The following PARD3 variants were observed in gnomAD, a reference collection of about 807,000 sequenced individuals.
PARD3 encodes the protein par-3 family cell polarity regulator.
In PARD3, 75 loss-of-function variants were observed where a neutral mutation model predicts 155.4. The ratio of observed to expected loss-of-function variants is 0.48; its 90% CI spans 0.40 to 0.58. PARD3 has a LOEUF of 0.58. Ranked by LOEUF, PARD3 falls within the 20% of genes least tolerant of loss-of-function variation. The pLI, the probability that PARD3 is intolerant of heterozygous loss-of-function variation, is 0.00. For missense variants in PARD3, 1,642 were observed against 1,721.7 expected, an observed-to-expected ratio of 0.95 and a Z score of 0.82; for synonymous variants, 576 against 610.5, an observed-to-expected ratio of 0.94 and a Z score of 0.83.
At chr10:34,156,729 C>CA (rs1199937686) in intron 22 of PARD3, among the ~76,000 whole-genome samples, 1 of 152,182 alleles carries the variant, frequency 6.6e-6, no homozygotes, top group African/African-American at 2.4e-5. Flanking sequence ...AGCAGCCTCC[C>CA]AGAGCTCGCC....
At chr10:34,726,083 C>A (rs1362292681) in intron 1 of PARD3, among the ~76,000 whole-genome samples, 1 of 152,200 alleles carries the variant, frequency 6.6e-6, no homozygotes, top group African/African-American at 2.4e-5. Context: ...TAACCATCAA[C>A]AGATGCCATA....
intron 2 of PARD3, among the ~76,000 whole-genome samples, chr10:34,594,270 T>C (rs910779831): frequency 1.3e-5 from 2 of 152,200 alleles, no homozygotes; most frequent in African/African-American, 4.8e-5. Flanking sequence ...GTAAAAACAA[T>C]GTCTTTGAAA....
At chr10:34,713,666 T>C (rs1223550230) in intron 1 of PARD3, among the ~76,000 whole-genome samples, 2 of 152,086 alleles carry the variant, frequency 1.3e-5, no homozygotes, top group East Asian at 1.9e-4. Context: ...CTCAGGAGGC[T>C]GAGGTAGGAG....
intron 1 of PARD3, among the ~76,000 whole-genome samples, chr10:34,814,344 C>G (rs1447150683): frequency 6.6e-6 from 1 of 152,176 alleles, no homozygotes; most frequent in Non-Finnish European, 1.5e-5. Context: ...GAAAAGCCCC[C>G]CGCCGCTGTT....
chr10:34,432,317 G>A lies in PARD3; in HGVS notation c.714+18000C>T, dbSNP rs528783624. Among the ~76,000 whole-genome samples, 419 of 139,740 alleles carry A rather than the reference G, an allele frequency of 3.0e-3. 3 individuals are homozygous for A. Among genetic ancestry groups the A allele is most frequent in the African/African-American group, 9.8e-3 (369 of 37,574 alleles). The allele number at this position is 139,740 out of a possible 152,430, so 91.7% of individuals were successfully genotyped here. ...AATGAGAACAGGTGCTGTGAAAATA[G>A]AAAGATATACACGTGCACATACACA... On this transcript the variant is annotated intron_variant, in intron 5 of 24. Coordinates refer to ENST00000374788, the MANE Select transcript of PARD3 (RefSeq NM_001184785.2).
intron 2 of PARD3, among the ~76,000 whole-genome samples, chr10:34,528,343 C>T (rs1352055032): frequency 6.6e-6 from 1 of 152,158 alleles, no homozygotes; most frequent in Non-Finnish European, 1.5e-5. Flanking sequence ...ACAACGTCCA[C>T]ACAAGTGACC....
chr10:34,360,964 T>C (rs1839378559), intron 12 of PARD3, among the ~76,000 whole-genome samples: 1 of 152,166 alleles, frequency 6.6e-6, no homozygotes, highest in African/African-American at 2.4e-5. Flanking sequence ...ATAAAAAACA[T>C]TTAGGATATA....
chr10:34,560,431 G>A (rs139670170), intron 2 of PARD3, among the ~76,000 whole-genome samples: 10 of 151,930 alleles, frequency 6.6e-5, no homozygotes, highest in Non-Finnish European at 1.3e-4. Flanking sequence ...ACGAGTTCAG[G>A]GGGTTGTTAC....
At chr10:34,333,221 C>T (rs1342013872) in intron 18 of PARD3, among the ~76,000 whole-genome samples, 1 of 151,996 alleles carries the variant, frequency 6.6e-6, no homozygotes, top group Non-Finnish European at 1.5e-5. Context: ...CATAAAAACA[C>T]CATTTATATA....
intron 1 of PARD3, among the ~76,000 whole-genome samples, chr10:34,806,519 G>A (rs965719664): frequency 1.3e-5 from 2 of 151,870 alleles, no homozygotes; most frequent in African/African-American, 4.8e-5. Context: ...AAAAAGAGAC[G>A]GGGTCTCACT....
intron 22 of PARD3, among the ~76,000 whole-genome samples, chr10:34,263,768 G>T (rs1033666116): frequency 2.0e-5 from 3 of 152,196 alleles, no homozygotes. Context: ...GTGGAAATAG[G>T]AGTTATCAGA....
chr10:34,406,760 G>C (rs572096833), intron 5 of PARD3, among the ~76,000 whole-genome samples: 31 of 151,640 alleles, frequency 2.0e-4, no homozygotes, highest in Middle Eastern at 3.4e-3. Flanking sequence ...AGAATGCAAG[G>C]GGAAAATCAA....
intron 1 of PARD3, among the ~76,000 whole-genome samples, chr10:34,729,857 C>T (rs1197662257): frequency 8.5e-5 from 13 of 152,238 alleles, no homozygotes; most frequent in South Asian, 4.1e-4. Context: ...ATCTGTGATG[C>T]ATCCCCAGGG....
chr10:34,701,333 A>ATGATGTTGT (rs1554815382), intron 1 of PARD3, among the ~76,000 whole-genome samples: 11,284 of 149,916 alleles, frequency 0.075, 531 homozygotes, highest in Middle Eastern at 0.13. Context: ...ACACGCGGGG[A>ATGATGTTGT]TGTTGTTGTT....
intron 20 of PARD3, among the ~76,000 whole-genome samples, chr10:34,312,609 T>C (rs1028439002): frequency 8.5e-5 from 13 of 152,220 alleles, no homozygotes; most frequent in African/African-American, 2.9e-4. Context: ...CTAAATTATC[T>C]ATTTCCTCTT....
At chr10:34,515,759 C>A (rs1029823843) in intron 3 of PARD3, among the ~76,000 whole-genome samples, 1 of 152,062 alleles carries the variant, frequency 6.6e-6, no homozygotes, top group African/African-American at 2.4e-5. Context: ...AATTAGGATG[C>A]ATTTTTAGAA....
At chr10:34,807,541 G>A (rs182396899) in intron 1 of PARD3, among the ~76,000 whole-genome samples, 245 of 152,148 alleles carry the variant, frequency 1.6e-3, no homozygotes, top group Admixed American at 0.014. Flanking sequence ...CAGTCCTAGC[G>A]GAACACCACT....
At chr10:34,576,221 G>C (rs1372149514) in intron 2 of PARD3, among the ~76,000 whole-genome samples, 1 of 152,200 alleles carries the variant, frequency 6.6e-6, no homozygotes, top group Non-Finnish European at 1.5e-5. Context: ...CATCCACTTA[G>C]ATGCTGTGGA....
chr10:34,401,084 G>T (rs1352766919), intron 6 of PARD3, among the ~76,000 whole-genome samples: 1 of 152,094 alleles, frequency 6.6e-6, no homozygotes, highest in African/African-American at 2.4e-5. Context: ...ACCAAGAAAA[G>T]ACAGAATTAA....
Sources: allele counts gnomAD v4.1 joint callset (sites outside exome capture counted in the v4.1 genomes callset), GRCh38; gene constraint gnomAD v4.1.1; transcripts MANE v1.5; gene names NCBI Gene and HGNC (gene_info 2026-07-23, HGNC 2026-07-21).